Variants in LUZP2 observed in about 807,000 individuals in gnomAD.
The protein encoded by LUZP2 is leucine zipper protein 2.
A neutral mutation model predicts 51.6 loss-of-function variants in LUZP2; 52 were observed. The ratio of observed to expected loss-of-function variants is 1.01; its 90% CI spans 0.81 to 1.27. LUZP2 has a LOEUF of 1.27. LUZP2 is among the 50% of genes most tolerant of loss of function. The pLI, the probability that LUZP2 is intolerant of heterozygous loss-of-function variation, is 0.00. For missense variants in LUZP2, 436 were observed against 395.4 expected (o/e 1.10, Z -0.87); for synonymous variants, 154 against 137.3 (o/e 1.12, Z -0.85).
chr11:25,044,079 A>ATATATAT (rs375482123), intron 9 of LUZP2, among the ~76,000 whole-genome samples: 4 of 656 alleles, frequency 6.1e-3, no homozygotes, highest in Admixed American at 0.033. Context: ...TATATCTGAT[A>ATATATAT]AGACTATATA....
chr11:24,884,411 A>C (rs1386231), intron 5 of LUZP2, among the ~76,000 whole-genome samples: 73,923 of 151,754 alleles, frequency 0.49, 18,448 homozygotes, highest in East Asian at 0.69. Context: ...GGCACAAAGT[A>C]AACACTCCGT....
At chr11:25,007,753 G>T (rs1200921636) in intron 9 of LUZP2, among the ~76,000 whole-genome samples, 1 of 152,144 alleles carries the variant, frequency 6.6e-6, no homozygotes, top group Non-Finnish European at 1.5e-5. Context: ...AGGAGGAAGG[G>T]CAATGTTTAC....
chr11:24,777,624 GT>G (rs1848973601), intron 5 of LUZP2, among the ~76,000 whole-genome samples: 1 of 151,982 alleles, frequency 6.6e-6, no homozygotes, highest in African/African-American at 2.4e-5. Flanking sequence ...TTATACTTCT[GT>G]TTAACTTCTA....
intron 1 of LUZP2, among the ~76,000 whole-genome samples, chr11:24,724,689 A>G (rs2631436): frequency 0.21 from 32,319 of 152,200 alleles, 5,407 homozygotes; most frequent in African/African-American, 0.45. Context: ...ATTAATAAAC[A>G]AAAAGAAATA....
chr11:24,834,234 C>T (rs951252466), intron 5 of LUZP2, among the ~76,000 whole-genome samples: 1 of 152,064 alleles, frequency 6.6e-6, no homozygotes, highest in Admixed American at 6.6e-5. Flanking sequence ...TCCTAATGTT[C>T]TCCCTCCCCT....
intron 1 of LUZP2, among the ~76,000 whole-genome samples, chr11:24,581,921 A>G (rs1400432149): frequency 2.6e-5 from 4 of 152,036 alleles, no homozygotes; most frequent in Non-Finnish European, 5.9e-5. Context: ...GATGGAGCAA[A>G]TACTTGGGCT....
chr11:24,598,139 C>G (rs9651584), intron 1 of LUZP2, among the ~76,000 whole-genome samples: 52,455 of 151,608 alleles, frequency 0.35, 10,467 homozygotes, highest in East Asian at 0.51. Context: ...TATTAAGCAC[C>G]TGCTTTGTGC....
intron 4 of LUZP2, among the ~76,000 whole-genome samples, chr11:24,751,051 A>C (rs1859563462): frequency 6.6e-6 from 1 of 152,198 alleles, no homozygotes; most frequent in South Asian, 2.1e-4. Flanking sequence ...AAGAACTAGA[A>C]AATATGGAAT....
Position 24,917,933 on chromosome 11 carries a change from C to T in LUZP2, c.522+3395C>T, listed in dbSNP as rs567514906. 3.3e-5 allele frequency among the ~76,000 whole-genome samples: 5 copies of T among 152,148 alleles called. No homozygotes were observed. In the East Asian group the frequency reaches 7.7e-4, roughly 24 times the overall value. On this transcript the variant is annotated intron_variant, in intron 7 of 11. Coordinates refer to ENST00000336930, the MANE Select transcript of LUZP2 (RefSeq NM_001009909.4). Reference sequence around the variant, plus strand: ...CTAAAAATTACCTTGGGCAGTATGGCCATTTTCATGATATTGATTCTTCCT... The same window carrying T: ...CTAAAAATTACCTTGGGCAGTATGGTCATTTTCATGATATTGATTCTTCCT...
intron 5 of LUZP2, among the ~76,000 whole-genome samples, chr11:24,815,250 A>C (rs1363355192): frequency 6.6e-6 from 1 of 152,174 alleles, no homozygotes; most frequent in East Asian, 1.9e-4. Context: ...ATTTATTACA[A>C]ATTTAAATAA....
chr11:24,905,909 T>G (rs1193313047), intron 5 of LUZP2, 82 bp from the exon 6 acceptor site: 1 of 996,004 alleles, frequency 1.0e-6, no homozygotes, highest in Non-Finnish European at 1.6e-6. Context: ...GAACAGAACA[T>G]AAAGCAATAA....
intron 9 of LUZP2, among the ~76,000 whole-genome samples, chr11:25,006,963 C>A (rs1856849266): frequency 6.6e-6 from 1 of 152,150 alleles, no homozygotes; most frequent in African/African-American, 2.4e-5. Context: ...CCAGCCACAT[C>A]CTGCTGATTG....
At chr11:24,664,676 G>A (rs566297894) in intron 1 of LUZP2, among the ~76,000 whole-genome samples, 1 of 152,184 alleles carries the variant, frequency 6.6e-6, no homozygotes, top group African/African-American at 2.4e-5. Flanking sequence ...TGCAAACAGG[G>A]GCCAACATAC....
chr11:24,678,903 A>T (rs1037485925), intron 1 of LUZP2, among the ~76,000 whole-genome samples: 32 of 152,270 alleles, frequency 2.1e-4, no homozygotes, highest in Non-Finnish European at 3.5e-4. Flanking sequence ...AATAAGATAT[A>T]GTGCTGCGTC....
chr11:24,804,009 A>C (rs960841623), intron 5 of LUZP2, among the ~76,000 whole-genome samples: 4 of 151,686 alleles, frequency 2.6e-5, no homozygotes, highest in South Asian at 2.1e-4. Flanking sequence ...AAAAAAAAAA[A>C]AAAAAACTAG....
intron 11 of LUZP2, 112 bp from the exon 12 acceptor site, chr11:25,078,442 A>C: frequency 2.7e-6 from 2 of 738,134 alleles, no homozygotes. Context: ...TTTCTCTAAG[A>C]TATTTGTTGA....
chr11:24,774,362 C>CTCTCTCTCTCTCTATATA lies in LUZP2; in HGVS notation c.396+11055_396+11056insCTCTCTCTCTCTATATAT, dbSNP rs776739280. On this transcript the variant is annotated intron_variant, in intron 5 of 11. Coordinates refer to ENST00000336930, the MANE Select transcript of LUZP2 (RefSeq NM_001009909.4). ...TCTCTCTCTCTCTCTCTCTCTCTCT[C>CTCTCTCTCTCTCTATATA]TATATATATATATATATATACATAC... Among the ~76,000 whole-genome samples the CTCTCTCTCTCTCTATATA allele has an allele frequency of 4.6e-3, 350 of 76,226 alleles. 3 individuals carry two copies. Among genetic ancestry groups the CTCTCTCTCTCTCTATATA allele is most frequent in the Middle Eastern group, 8.2e-3 (1 of 122 alleles). The allele number at this position is 76,226 out of a possible 152,430, so 50.0% of individuals were successfully genotyped here.
intron 9 of LUZP2, among the ~76,000 whole-genome samples, chr11:24,995,633 T>C (rs554338448): frequency 9.3e-4 from 141 of 152,212 alleles, no homozygotes; most frequent in African/African-American, 3.2e-3. Flanking sequence ...AGATTAAAAA[T>C]GTCACCCCAT....
intron 7 of LUZP2, among the ~76,000 whole-genome samples, chr11:24,917,685 T>A (rs1853838667): frequency 6.6e-6 from 1 of 151,578 alleles, no homozygotes; most frequent in African/African-American, 2.4e-5. Context: ...TTCTGTTCCA[T>A]TGGTCTATAT....
Sources: gnomAD v4.1 joint callset for allele counts (sites outside exome capture counted in the v4.1 genomes callset) on GRCh38, gnomAD v4.1.1 for gene constraint, MANE v1.5 for transcripts, NCBI Gene and HGNC (gene_info 2026-07-23, HGNC 2026-07-21) for gene names.